SCMH1: variants seen among roughly 807,000 people sequenced by gnomAD.
SCMH1 encodes the protein Scm polycomb group protein homolog 1.
SCMH1 carries 37 observed loss-of-function variants against 70.8 expected under a neutral mutation model. The observed-to-expected ratio is 0.52, with a 90% CI of 0.40 to 0.69. The LOEUF (loss-of-function observed/expected upper bound fraction) is 0.69, where lower values mean the gene tolerates loss of function less well. Among genes scored for constraint, SCMH1 ranks in the 30% least tolerant of loss-of-function variants. The pLI is 0.00. For missense variants in SCMH1, 607 were observed against 827.3 expected, an observed-to-expected ratio of 0.73 and a Z score of 3.27; for synonymous variants, 292 against 307.4, an observed-to-expected ratio of 0.95 and a Z score of 0.52.
At position 41,138,756 on chromosome 1, in the gene SCMH1, G is replaced by GT. The variant is rs549134031; in HGVS notation, c.412+4121dup. ...CCAAGACTTGTTTAACTCAAGTTGA[G>GT]TTGCTGTGCAACAGGTTTCCTCTGA... On this transcript the variant is annotated intron_variant, in intron 6 of 14. Coordinates refer to ENST00000337495, the Ensembl canonical transcript of SCMH1. Among the ~76,000 whole-genome samples the GT allele has an allele frequency of 7.2e-5, 11 of 152,244 alleles. No individual in the cohort carries two copies. The East Asian group carries it at 1.5e-3, about 21-fold the overall frequency.
At chr1:41,115,667 T>G (rs1670283269) in intron 7 of SCMH1, among the ~76,000 whole-genome samples, 1 of 152,228 alleles carries the variant, frequency 6.6e-6, no homozygotes, top group African/African-American at 2.4e-5. Context: ...CTCAAATTCC[T>G]GGACTCAGTG....
chr1:41,070,005 C>T (rs1357079525), intron 10 of SCMH1, among the ~76,000 whole-genome samples: 1 of 152,152 alleles, frequency 6.6e-6, no homozygotes, highest in Admixed American at 6.5e-5. Flanking sequence ...TTTATCTTAA[C>T]TTACACATTA....
chr1:41,067,891 T>C (rs775899902), intron 10 of SCMH1, among the ~76,000 whole-genome samples: 1 of 152,188 alleles, frequency 6.6e-6, no homozygotes, highest in Non-Finnish European at 1.5e-5. Flanking sequence ...AGACAATGTA[T>C]GTGTAGGGGC....
At chr1:41,027,531 A>T (rs1277623383) in exon 15 of SCMH1, 2 of 152,268 alleles carry the variant, frequency 1.3e-5, no homozygotes, top group Non-Finnish European at 2.9e-5. Context: ...TCTCCTCCCC[A>T]TATGGAGTGA....
At chr1:41,164,831 A>G (rs1293078770) in intron 2 of SCMH1, among the ~76,000 whole-genome samples, 1 of 152,156 alleles carries the variant, frequency 6.6e-6, no homozygotes, top group Admixed American at 6.5e-5. Flanking sequence ...TGGAATGATC[A>G]CACCAGAGTA....
chr1:41,225,923 A>G (rs1176306451), intron 1 of SCMH1, among the ~76,000 whole-genome samples: 1 of 152,218 alleles, frequency 6.6e-6, no homozygotes, highest in African/African-American at 2.4e-5. Flanking sequence ...GTAAAACATA[A>G]CAATAATAAA....
In SCMH1 at chr1:41,087,053, T is replaced by A. The variant is rs561392388; in HGVS notation, c.746-11602A>T. 8.5e-5 allele frequency among the ~76,000 whole-genome samples: 13 copies of A among 152,170 alleles called. No homozygotes were observed. The South Asian group carries it at 2.5e-3, about 29-fold the overall frequency. ...GTACACCAATGGACAGGCACACCAA[T>A]GGAATAGAAAAACAGACCCAACTAT... On this transcript the variant is annotated intron_variant, in intron 8 of 14. Coordinates refer to ENST00000337495, the Ensembl canonical transcript of SCMH1.
intron 6 of SCMH1, among the ~76,000 whole-genome samples, chr1:41,127,618 T>C (rs1195628101): frequency 1.3e-5 from 2 of 152,090 alleles, no homozygotes; most frequent in African/African-American, 4.8e-5. Flanking sequence ...CACTATGGAC[T>C]GAATCTCCAT....
intron 4 of SCMH1, chr1:41,152,795 A>G: frequency 6.8e-7 from 1 of 1,478,350 alleles, no homozygotes; most frequent in Non-Finnish European, 9.1e-7. Context: ...TCCAAAGATG[A>G]TGCCAAGACT....
intron 6 of SCMH1, among the ~76,000 whole-genome samples, chr1:41,125,925 G>C (rs1673076106): frequency 6.6e-6 from 1 of 152,016 alleles, no homozygotes; most frequent in Admixed American, 6.6e-5. Context: ...TTGCTTCTAG[G>C]CCCTTTCAAT....
chr1:41,139,265 C>A (rs893814725), intron 6 of SCMH1, among the ~76,000 whole-genome samples: 1 of 152,156 alleles, frequency 6.6e-6, no homozygotes, highest in Non-Finnish European at 1.5e-5. Flanking sequence ...ATTCTGGGGG[C>A]AATTTTGGCT....
intron 1 of SCMH1, among the ~76,000 whole-genome samples, chr1:41,196,706 C>A (rs1191538003): frequency 2.0e-5 from 3 of 152,098 alleles, no homozygotes; most frequent in Non-Finnish European, 2.9e-5. Context: ...AACTGGACTT[C>A]ACCAAAATGA....
At chr1:41,199,694 AAAGT>A (rs1395324720) in intron 1 of SCMH1, among the ~76,000 whole-genome samples, 1 of 151,762 alleles carries the variant, frequency 6.6e-6, no homozygotes, top group Admixed American at 6.6e-5. Flanking sequence ...CATGGATATA[AAAGT>A]AAGAATAATA....
At chr1:41,079,117 A>G (rs1398540693) in intron 8 of SCMH1, among the ~76,000 whole-genome samples, 2 of 152,224 alleles carry the variant, frequency 1.3e-5, no homozygotes, top group Non-Finnish European at 2.9e-5. Flanking sequence ...ATTATCAGGG[A>G]TAAGAATGCA....
At chr1:41,172,924 T>C (rs577013535) in intron 2 of SCMH1, among the ~76,000 whole-genome samples, 1 of 152,252 alleles carries the variant, frequency 6.6e-6, no homozygotes, top group East Asian at 1.9e-4. Context: ...TCTCATCATG[T>C]ACAAAAATCA....
intron 1 of SCMH1, among the ~76,000 whole-genome samples, chr1:41,236,690 A>G (rs2148934295): frequency 7.1e-6 from 1 of 141,418 alleles, no homozygotes; most frequent in Middle Eastern, 3.7e-3. Context: ...TCATATTTGC[A>G]TATGATCTAC....
rs1644918209 is a variant in SCMH1 at position 41,033,980 on chromosome 1, T to C, written c.1678+3382A>G. 2 of 1,613,894 alleles carry C rather than the reference T, an allele frequency of 1.2e-6. No homozygotes were observed. Among genetic ancestry groups the C allele is most frequent in the South Asian group, 1.1e-5 (1 of 91,072 alleles). On this transcript the variant is annotated intron_variant, in intron 13 of 14. Transcript: ENST00000337495. The stretch of plus-strand genomic sequence containing the variant: ...ATAAAAATAACAGTAACTCCCCTCA[T>C]ACCTGGGGAACGATTTAGTTTCCAA...
intron 1 of SCMH1, among the ~76,000 whole-genome samples, chr1:41,200,894 C>T (rs1481959887): frequency 6.6e-6 from 1 of 151,902 alleles, no homozygotes; most frequent in Non-Finnish European, 1.5e-5. Flanking sequence ...ACTCATATGG[C>T]TTTGCGGACA....
chr1:41,183,002 A>G (rs1327320726), intron 2 of SCMH1, among the ~76,000 whole-genome samples: 3 of 152,232 alleles, frequency 2.0e-5, no homozygotes, highest in Non-Finnish European at 2.9e-5. Flanking sequence ...TCTAAGAATA[A>G]TGGCCATGTT....
Sources: gnomAD v4.1 joint callset for allele counts (sites outside exome capture counted in the v4.1 genomes callset) on GRCh38, gnomAD v4.1.1 for gene constraint, MANE v1.5 for transcripts, NCBI Gene and HGNC (gene_info 2026-07-23, HGNC 2026-07-21) for gene names.